The following GRID1 variants were observed in gnomAD, a reference collection of about 807,000 sequenced individuals.
GRID1 encodes the protein glutamate ionotropic receptor delta type subunit 1.
In GRID1, 28 loss-of-function variants were observed where a neutral mutation model predicts 98.0. That is an observed-to-expected ratio of 0.29 (90% confidence interval 0.21 to 0.39). GRID1 has a LOEUF of 0.39. GRID1 is among the 10% of genes least tolerant of loss of function. The pLI, the probability that GRID1 is intolerant of heterozygous loss-of-function variation, is 1.00. For missense variants in GRID1, 1,111 were observed against 1,340.5 expected, an observed-to-expected ratio of 0.83 and a Z score of 2.67; for synonymous variants, 553 against 538.5, an observed-to-expected ratio of 1.03 and a Z score of -0.37.
chr10:85,700,664 T>A (rs117000007), intron 12 of GRID1, among the ~76,000 whole-genome samples: 4,954 of 152,238 alleles, frequency 0.033, 126 homozygotes, highest in Middle Eastern at 0.048. Context: ...GAAATGAAAG[T>A]AATTACAGCA....
At chr10:86,024,129 T>C (rs1843085291) in intron 4 of GRID1, among the ~76,000 whole-genome samples, 1 of 152,194 alleles carries the variant, frequency 6.6e-6, no homozygotes, top group Non-Finnish European at 1.5e-5. Context: ...CCATGAGCCA[T>C]GACCAGGGTT....
intron 4 of GRID1, among the ~76,000 whole-genome samples, chr10:86,108,103 G>A (rs1027353343): frequency 5.3e-5 from 8 of 152,122 alleles, no homozygotes; most frequent in African/African-American, 1.9e-4. Flanking sequence ...CATGCCCACT[G>A]GGGCTTCAGG....
chr10:86,050,426 T>C (rs986487651), intron 4 of GRID1, among the ~76,000 whole-genome samples: 1 of 152,214 alleles, frequency 6.6e-6, no homozygotes, highest in Admixed American at 6.5e-5. Context: ...GCTGAACTTG[T>C]ATAAGAACTC....
At chr10:86,162,866 C>A (rs1845342232) in intron 3 of GRID1, among the ~76,000 whole-genome samples, 2 of 152,168 alleles carry the variant, frequency 1.3e-5, no homozygotes, top group African/African-American at 2.4e-5. Flanking sequence ...CGAACAGAGT[C>A]CTGGGGTTGC....
At chr10:85,724,948 G>A (rs148516640) in intron 10 of GRID1, among the ~76,000 whole-genome samples, 17 of 152,236 alleles carry the variant, frequency 1.1e-4, no homozygotes, top group Middle Eastern at 6.8e-3. Flanking sequence ...ATTTCTCTAC[G>A]AATTATAGTT....
intron 2 of GRID1, among the ~76,000 whole-genome samples, chr10:86,346,863 C>T (rs986169507): frequency 1.3e-5 from 2 of 152,194 alleles, no homozygotes; most frequent in Non-Finnish European, 2.9e-5. Context: ...GATCCCCACC[C>T]ACAATGTATG....
intron 12 of GRID1, among the ~76,000 whole-genome samples, chr10:85,709,989 CAAAT>C (rs762082759): frequency 6.6e-6 from 1 of 151,722 alleles, no homozygotes; most frequent in South Asian, 2.1e-4. Context: ...ATTAAAGGCA[CAAAT>C]AAATAGACAT....
intron 5 of GRID1, among the ~76,000 whole-genome samples, chr10:85,875,684 A>G (rs879117968): frequency 6.6e-6 from 1 of 152,354 alleles, no homozygotes; most frequent in Non-Finnish European, 1.5e-5. Flanking sequence ...CATATCTAAT[A>G]AAGTGTGAAG....
chr10:86,342,251 T>G (rs1848320620), intron 2 of GRID1, among the ~76,000 whole-genome samples: 1 of 152,130 alleles, frequency 6.6e-6, no homozygotes, highest in African/African-American at 2.4e-5. Context: ...CGGGCACTGC[T>G]GCACACAGCC....
intron 4 of GRID1, among the ~76,000 whole-genome samples, chr10:86,130,494 A>G (rs1844818869): frequency 1.3e-5 from 2 of 152,224 alleles, no homozygotes; most frequent in Non-Finnish European, 2.9e-5. Context: ...AGGGCAGAGG[A>G]ACAGAAGAGC....
In GRID1 at chr10:86,328,595, G is replaced by A. The variant is rs765751403; in HGVS notation, c.235+35346C>T. Among the ~76,000 whole-genome samples, 4 of 152,172 alleles carry A rather than the reference G, an allele frequency of 2.6e-5. No individual in the cohort carries two copies. In the South Asian group the frequency reaches 6.2e-4, roughly 24 times the overall value. ...ATGTCCTCATTTTTCCGTGATCCTC[G>A]CATATTGCTTTTACAATCAGAAAAA... is the stretch of plus-strand genomic sequence containing the variant. On this transcript the variant is annotated intron_variant, in intron 2 of 15. Coordinates refer to ENST00000327946, the MANE Select transcript of GRID1 (RefSeq NM_017551.3).
chr10:86,174,116 G>A (rs917035976), intron 3 of GRID1, among the ~76,000 whole-genome samples: 3 of 152,066 alleles, frequency 2.0e-5, no homozygotes, highest in Non-Finnish European at 2.9e-5. Flanking sequence ...TGGGTCAAAT[G>A]GTATTTCTAG....
rs145863244 is a variant in GRID1, at chr10:86,091,119, G to A, written c.726+47700C>T. Among the ~76,000 whole-genome samples the A allele has an allele frequency of 4.1e-3, 631 of 152,258 alleles. 6 individuals carry two copies. The highest frequency in any genetic ancestry group is 0.015 in the African/African-American group (605 of 41,540). On this transcript the variant is annotated intron_variant, in intron 4 of 15. Transcript: ENST00000327946. ...AGCTGAACTTTTTAACAATTTGAGCGGGGTGAGAAGACTCCTGGCCAGAAC... is the reference window on the plus strand; with the variant it reads ...AGCTGAACTTTTTAACAATTTGAGCAGGGTGAGAAGACTCCTGGCCAGAAC...
chr10:85,677,797 A>G (rs986376654), intron 12 of GRID1, among the ~76,000 whole-genome samples: 3 of 152,196 alleles, frequency 2.0e-5, no homozygotes, highest in African/African-American at 4.8e-5. Context: ...AATAACCTCT[A>G]AGAATATTCA....
chr10:86,210,158 G>C (rs1846087591), intron 2 of GRID1, among the ~76,000 whole-genome samples: 1 of 152,124 alleles, frequency 6.6e-6, no homozygotes, highest in Non-Finnish European at 1.5e-5. Flanking sequence ...TTGGCACCAG[G>C]GCCTCAAAGG....
At chr10:86,317,139 C>T (rs1847911115) in intron 2 of GRID1, among the ~76,000 whole-genome samples, 1 of 152,334 alleles carries the variant, frequency 6.6e-6, no homozygotes, top group Non-Finnish European at 1.5e-5. Flanking sequence ...AGAACTCCCC[C>T]CGGACCTGCC....
chr10:86,092,055 G>A (rs1166966331), intron 4 of GRID1, among the ~76,000 whole-genome samples: 7 of 152,042 alleles, frequency 4.6e-5, no homozygotes, highest in African/African-American at 1.7e-4. Flanking sequence ...ACCAACCCTG[G>A]TAAATGACAA....
At chr10:86,134,646 C>A (rs772935185) in intron 4 of GRID1, among the ~76,000 whole-genome samples, 1 of 152,178 alleles carries the variant, frequency 6.6e-6, no homozygotes, top group Non-Finnish European at 1.5e-5. Context: ...CCCTCCCCTG[C>A]ACACCCATGA....
chr10:86,214,785 C>G (rs983989270), intron 2 of GRID1, among the ~76,000 whole-genome samples: 1 of 152,226 alleles, frequency 6.6e-6, no homozygotes, highest in Non-Finnish European at 1.5e-5. Flanking sequence ...ATGGGAATTG[C>G]TTGAACCCAG....
Sources: gnomAD v4.1 joint callset for allele counts (sites outside exome capture counted in the v4.1 genomes callset) on GRCh38, gnomAD v4.1.1 for gene constraint, MANE v1.5 for transcripts, NCBI Gene and HGNC (gene_info 2026-07-23, HGNC 2026-07-21) for gene names.